Variants in GLI3 observed in about 807,000 individuals in gnomAD.
GLI3 encodes GLI family zinc finger 3.
In GLI3, 20 loss-of-function variants were observed where a neutral mutation model predicts 100.8. That is an observed-to-expected ratio of 0.20 (90% CI 0.14 to 0.29). GLI3 has a LOEUF of 0.29. Ranked by LOEUF, GLI3 falls within the 10% of genes least tolerant of loss-of-function variation. GLI3 has a pLI of 1.00. For synonymous variants in GLI3, 938 were observed against 860.5 expected, an observed-to-expected ratio of 1.09 and a Z score of -1.58; for missense variants, 2,040 against 2,128.5, an observed-to-expected ratio of 0.96 and a Z score of 0.82.
intron 11 of GLI3, chr7:41,978,000 TCTC>T (rs1787555816): frequency 4.0e-6 from 2 of 495,066 alleles, no homozygotes; most frequent in Non-Finnish European, 7.3e-6. Context: ...TGCTCATTGA[TCTC>T]CTCAAATTCC....
intron 10 of GLI3, among the ~76,000 whole-genome samples, chr7:41,989,326 A>ACG (rs1326673989): frequency 6.6e-6 from 1 of 152,208 alleles, no homozygotes; most frequent in East Asian, 1.9e-4. Flanking sequence ...TCTGTAATGA[A>ACG]CAAATCCAGC....
At chr7:42,064,174 A>G (rs1784628760) in intron 4 of GLI3, among the ~76,000 whole-genome samples, 1 of 152,178 alleles carries the variant, frequency 6.6e-6, no homozygotes, top group Non-Finnish European at 1.5e-5. Context: ...AGGAAAGTGC[A>G]GGCAACAAAC....
intron 2 of GLI3, among the ~76,000 whole-genome samples, chr7:42,171,738 T>C (rs1787377208): frequency 6.6e-6 from 1 of 152,230 alleles, no homozygotes; most frequent in African/African-American, 2.4e-5. Context: ...GCTAAGTCAC[T>C]GAGTCCTTAG....
At chr7:42,246,729 A>G (rs1218722338) in intron 1 of GLI3, among the ~76,000 whole-genome samples, 1 of 149,958 alleles carries the variant, frequency 6.7e-6, no homozygotes, top group Non-Finnish European at 1.5e-5. Flanking sequence ...CAGTCCCAAA[A>G]CTGTTGAAGC....
In GLI3 at chr7:42,026,253, G is replaced by GATC. The variant is rs1789109570; in HGVS notation, c.1185_1187dup (p.Gly395_Ile396insMet). On this transcript the variant is annotated inframe_insertion, in exon 8 of 15. Coordinates refer to ENST00000395925, the MANE Select transcript of GLI3 (RefSeq NM_000168.6). ...CCTGGACGGGGTTCAGAACCGTAGG[G>GATC]ATCCCTGGAATAGGCCTCTGTGTTG... 5.6e-6 allele frequency: 9 copies of GATC among 1,613,952 alleles called. No homozygotes were observed. Among genetic ancestry groups the GATC allele is most frequent in the Non-Finnish European group, 7.6e-6 (9 of 1,179,994 alleles).
intron 7 of GLI3, among the ~76,000 whole-genome samples, chr7:42,035,254 G>A (rs1182945102): frequency 2.0e-5 from 3 of 152,182 alleles, no homozygotes; most frequent in Non-Finnish European, 4.4e-5. Flanking sequence ...TAAGCAAGGT[G>A]TTTACTAAGC....
At chr7:42,018,265 T>C (rs538945119) in intron 10 of GLI3, among the ~76,000 whole-genome samples, 4 of 152,350 alleles carry the variant, frequency 2.6e-5, no homozygotes, top group Admixed American at 2.6e-4. Flanking sequence ...ATATGCCGTG[T>C]TTCCAAATAA....
intron 2 of GLI3, among the ~76,000 whole-genome samples, chr7:42,154,092 G>GA (rs373708182): frequency 0.014 from 1,599 of 111,714 alleles, 11 homozygotes; most frequent in African/African-American, 0.035. Flanking sequence ...CCAGTAAAAA[G>GA]AAAAAAAAAA....
At chr7:42,174,136 T>A (rs1159482247) in intron 2 of GLI3, among the ~76,000 whole-genome samples, 1 of 152,080 alleles carries the variant, frequency 6.6e-6, no homozygotes, top group Non-Finnish European at 1.5e-5. Flanking sequence ...CATTTATAGT[T>A]AAAATACTAG....
intron 7 of GLI3, among the ~76,000 whole-genome samples, chr7:42,029,859 T>G (rs1031287795): frequency 6.6e-6 from 1 of 152,140 alleles, no homozygotes; most frequent in African/African-American, 2.4e-5. Flanking sequence ...CACGCAGTAC[T>G]CTCTAAAACT....
At chr7:42,234,639 G>A (rs1788754909) in intron 1 of GLI3, among the ~76,000 whole-genome samples, 1 of 152,152 alleles carries the variant, frequency 6.6e-6, no homozygotes, top group Non-Finnish European at 1.5e-5. Context: ...GGAATTGGTA[G>A]GCATCTGAGT....
chr7:42,079,376 A>T (rs1422158538), intron 3 of GLI3, among the ~76,000 whole-genome samples: 2 of 152,250 alleles, frequency 1.3e-5, no homozygotes, highest in African/African-American at 4.8e-5. Context: ...CCTGACATAT[A>T]CTAGTTTATG....
intron 4 of GLI3, among the ~76,000 whole-genome samples, chr7:42,050,354 G>A (rs939476966): frequency 1.3e-5 from 2 of 152,106 alleles, no homozygotes; most frequent in African/African-American, 2.4e-5. Flanking sequence ...TTAGTAAAAT[G>A]GCTTGTTTAA....
At chr7:42,257,731 T>C (rs1256923433) in intron 1 of GLI3, among the ~76,000 whole-genome samples, 1 of 151,814 alleles carries the variant, frequency 6.6e-6, no homozygotes, top group East Asian at 1.9e-4. Flanking sequence ...ATTCTTAGTT[T>C]GCTGATTGTT....
chr7:42,135,757 A>T (rs1316828392), intron 3 of GLI3, among the ~76,000 whole-genome samples: 1 of 152,188 alleles, frequency 6.6e-6, no homozygotes, highest in Non-Finnish European at 1.5e-5. Context: ...CATCATGCTT[A>T]AGATTCTTTT....
chr7:42,176,767 C>T lies in GLI3; in HGVS notation c.125-28299G>A, dbSNP rs544280298. On this transcript the variant is annotated intron_variant, in intron 2 of 14. Coordinates refer to ENST00000395925, the MANE Select transcript of GLI3 (RefSeq NM_000168.6). ...TCAGTGAAGGTGGGATATTGATCCC[C>T]AGGGTCCACAGCCCAGCCCTCCTCA... Among the ~76,000 whole-genome samples, 6 of 152,320 alleles carry T rather than the reference C, an allele frequency of 3.9e-5. No individual in the cohort carries two copies. The South Asian group carries it at 1.0e-3, about 26-fold the overall frequency.
intron 3 of GLI3, among the ~76,000 whole-genome samples, chr7:42,081,858 C>CG (rs1785003618): frequency 6.6e-6 from 1 of 152,006 alleles, no homozygotes; most frequent in South Asian, 2.1e-4. Flanking sequence ...TGAAAGTGCC[C>CG]GGGAAACAGT....
intron 2 of GLI3, among the ~76,000 whole-genome samples, chr7:42,193,505 A>G (rs1324600379): frequency 6.6e-6 from 1 of 152,194 alleles, no homozygotes; most frequent in African/African-American, 2.4e-5. Context: ...TATTGGTAGC[A>G]AAAGGTGAGA....
intron 3 of GLI3, among the ~76,000 whole-genome samples, chr7:42,137,908 T>G (rs1583590132): frequency 6.6e-6 from 1 of 152,130 alleles, no homozygotes; most frequent in Non-Finnish European, 1.5e-5. Flanking sequence ...GACTTGGATT[T>G]CATCTCCAAG....
Sources: gnomAD v4.1 joint callset for allele counts (sites outside exome capture counted in the v4.1 genomes callset) on GRCh38, gnomAD v4.1.1 for gene constraint, MANE v1.5 for transcripts, NCBI Gene and HGNC (gene_info 2026-07-23, HGNC 2026-07-21) for gene names.